Variants in CCDC60 observed in about 807,000 individuals in gnomAD.
CCDC60 encodes coiled-coil domain-containing protein 60.
A neutral mutation model predicts 63.5 loss-of-function variants in CCDC60; 54 were observed. The observed-to-expected ratio is 0.85, with a 90% CI of 0.68 to 1.07. The LOEUF (loss-of-function observed/expected upper bound fraction) is 1.07, where lower values mean the gene tolerates loss of function less well. CCDC60 is among the 50% of genes least tolerant of loss of function. The probability of loss-of-function intolerance (pLI) is 0.00; values close to 1 mark genes in which losing one functional copy is unlikely to be tolerated. For missense variants in CCDC60, 651 were observed against 684.3 expected (o/e 0.95, Z 0.54); for synonymous variants, 206 against 238.8 (o/e 0.86, Z 1.27).
chr12:119,374,986 G>A (rs975241196), intron 1 of CCDC60, among the ~76,000 whole-genome samples: 6 of 152,100 alleles, frequency 3.9e-5, no homozygotes, highest in South Asian at 4.1e-4. Context: ...CTTCCTTACC[G>A]CATACTGTAT....
chr12:119,439,150 C>CAAAAAAAAAA (rs11317847), intron 2 of CCDC60, among the ~76,000 whole-genome samples: 2 of 72,286 alleles, frequency 2.8e-5, no homozygotes, highest in African/African-American at 1.2e-4. Flanking sequence ...CTTTTCTGGG[C>CAAAAAAAAAA]AAAAAAAAAA....
intron 1 of CCDC60, among the ~76,000 whole-genome samples, chr12:119,417,667 T>C (rs999917764): frequency 2.0e-5 from 3 of 152,160 alleles, no homozygotes; most frequent in African/African-American, 7.2e-5. Flanking sequence ...GTGACCTTAA[T>C]TAAGTCCTCA....
chr12:119,469,366 T>A (rs1444831450), intron 2 of CCDC60, among the ~76,000 whole-genome samples: 1 of 152,150 alleles, frequency 6.6e-6, no homozygotes, highest in Non-Finnish European at 1.5e-5. Context: ...CGGGTTCCAG[T>A]GATTCTCCCT....
At chr12:119,346,824 CTTTCTTTCT>C (rs1955601190) in intron 1 of CCDC60, among the ~76,000 whole-genome samples, 2 of 102,724 alleles carry the variant, frequency 1.9e-5, no homozygotes, top group Admixed American at 1.1e-4. Flanking sequence ...TTCTTTCTTT[CTTTCTTTCT>C]TTTTTTTTTG....
intron 3 of CCDC60, 93 bp downstream of exon 3, chr12:119,472,257 T>C: frequency 3.4e-6 from 4 of 1,173,624 alleles, no homozygotes; most frequent in Non-Finnish European, 4.9e-6. Flanking sequence ...GGCAGCTATC[T>C]CAGAGCACGT....
At chr12:119,507,575 TATACACATATATATACATATATA>T (rs1952066162) in intron 7 of CCDC60, among the ~76,000 whole-genome samples, 2 of 38,888 alleles carry the variant, frequency 5.1e-5, no homozygotes, top group African/African-American at 4.8e-4. Context: ...TATATGTATA[TATACACATATATATACATATATA>T]TATATATATA....
chr12:119,466,503 T>C (rs1184241160), intron 2 of CCDC60, among the ~76,000 whole-genome samples: 1 of 152,220 alleles, frequency 6.6e-6, no homozygotes, highest in African/African-American at 2.4e-5. Context: ...GACTCCATTC[T>C]TGATATTTGA....
intron 1 of CCDC60, among the ~76,000 whole-genome samples, chr12:119,353,411 T>C (rs1037804964): frequency 1.1e-4 from 16 of 152,200 alleles, no homozygotes; most frequent in Admixed American, 1.3e-4. Context: ...ACCAAAGGTT[T>C]GGAAACTGTG....
intron 2 of CCDC60, chr12:119,433,273 A>T (rs943412736): frequency 3.2e-6 from 2 of 626,252 alleles, no homozygotes; most frequent in Admixed American, 2.7e-5. Flanking sequence ...ATAAAAGGTG[A>T]TACAGGCAAC....
At chr12:119,428,118 A>G (rs934347628) in intron 1 of CCDC60, among the ~76,000 whole-genome samples, 10 of 152,226 alleles carry the variant, frequency 6.6e-5, no homozygotes, top group African/African-American at 2.4e-4. Context: ...AAACCCACGA[A>G]CAATTATCTG....
intron 1 of CCDC60, among the ~76,000 whole-genome samples, chr12:119,395,210 CCTTT>C (rs1956230501): frequency 6.6e-6 from 1 of 152,194 alleles, no homozygotes; most frequent in African/African-American, 2.4e-5. Context: ...TTGAGGCTTT[CCTTT>C]GTGATCCATG....
intron 11 of CCDC60, among the ~76,000 whole-genome samples, chr12:119,527,691 T>TTTA (rs1555256699): frequency 5.8e-5 from 8 of 137,322 alleles, no homozygotes; most frequent in African/African-American, 2.1e-4. Context: ...TTTTTTTTTT[T>TTTA]ATTGAGATGG....
intron 11 of CCDC60, among the ~76,000 whole-genome samples, chr12:119,525,662 A>G (rs1004732092): frequency 7.9e-5 from 12 of 152,234 alleles, no homozygotes; most frequent in Non-Finnish European, 1.0e-4. Context: ...AAATATAGAA[A>G]GGAAAGACTG....
In CCDC60 at chr12:119,465,673, G is replaced by T. The variant is rs187093865; in HGVS notation, c.171-6321G>T. Among the ~76,000 whole-genome samples the T allele has an allele frequency of 2.0e-5, 3 of 151,924 alleles. No individual in the cohort carries two copies. In the East Asian group the frequency reaches 5.8e-4, roughly 30 times the overall value. On this transcript the variant is annotated intron_variant, in intron 2 of 13. Coordinates refer to ENST00000327554, the MANE Select transcript of CCDC60 (RefSeq NM_178499.5). ...CTCAGGAGGCTGAGGCAGGAGAATT[G>T]CTTGAACCCAGGAGATGGAGGTTAG...
At chr12:119,433,921 T>A (rs1169276337) in intron 2 of CCDC60, among the ~76,000 whole-genome samples, 1 of 152,176 alleles carries the variant, frequency 6.6e-6, no homozygotes, top group Non-Finnish European at 1.5e-5. Context: ...AAGTTGACAA[T>A]CAGGGTCTCT....
intron 11 of CCDC60, among the ~76,000 whole-genome samples, chr12:119,527,164 A>C (rs1441474107): frequency 1.3e-5 from 2 of 152,250 alleles, no homozygotes; most frequent in Non-Finnish European, 2.9e-5. Flanking sequence ...ACACAGGAAC[A>C]GAAAACCAAA....
intron 11 of CCDC60, among the ~76,000 whole-genome samples, chr12:119,527,618 G>A (rs1457681257): frequency 1.3e-5 from 2 of 150,628 alleles, no homozygotes; most frequent in African/African-American, 4.9e-5. Flanking sequence ...CAGCTGTGGA[G>A]GTTGAGCTTT....
At chr12:119,375,000 C>T (rs751710563) in intron 1 of CCDC60, among the ~76,000 whole-genome samples, 4 of 152,118 alleles carry the variant, frequency 2.6e-5, no homozygotes, top group Non-Finnish European at 4.4e-5. Context: ...ACTGTATTAT[C>T]GGCAGGGTCT....
intron 7 of CCDC60, among the ~76,000 whole-genome samples, chr12:119,512,808 T>C (rs746413687): frequency 6.6e-6 from 1 of 152,242 alleles, no homozygotes; most frequent in Non-Finnish European, 1.5e-5. Flanking sequence ...AATATGTGTT[T>C]AAGGCTCTCC....
Sources: gnomAD v4.1 joint callset for allele counts (sites outside exome capture counted in the v4.1 genomes callset) on GRCh38, gnomAD v4.1.1 for gene constraint, MANE v1.5 for transcripts, NCBI Gene and HGNC (gene_info 2026-07-23, HGNC 2026-07-21) for gene names.